Variants in UGT1A1 observed in about 807,000 individuals in gnomAD.
UGT1A1 encodes UDP-glucuronosyltransferase 1A1.
UGT1A1 carries 33 observed loss-of-function variants against 40.6 expected under a neutral mutation model. That is an observed-to-expected ratio of 0.81 (90% confidence interval 0.62 to 1.09). The LOEUF (loss-of-function observed/expected upper bound fraction) is 1.09. Among genes scored for constraint, UGT1A1 ranks in the 50% least tolerant of loss-of-function variants. The pLI, the probability that UGT1A1 is intolerant of heterozygous loss-of-function variation, is 0.00. For synonymous variants in UGT1A1, 249 were observed against 265.0 expected (o/e 0.94, Z 0.59); for missense variants, 694 against 671.2 (o/e 1.03, Z -0.38).
chr2:233,763,254 T>C (rs1698269941), intron 1 of UGT1A1, among the ~76,000 whole-genome samples: 1 of 152,240 alleles, frequency 6.6e-6, no homozygotes, highest in Non-Finnish European at 1.5e-5. Context: ...TAGTAACCTG[T>C]TTTGTCTTGT....
intron 1 of UGT1A1, among the ~76,000 whole-genome samples, chr2:233,764,782 C>A (rs1260988013): frequency 6.6e-6 from 1 of 152,064 alleles, no homozygotes; most frequent in Non-Finnish European, 1.5e-5. Flanking sequence ...TCAGAAAAAC[C>A]ATCCTCAGGG....
intron 1 of UGT1A1, among the ~76,000 whole-genome samples, chr2:233,762,832 A>C (rs1698176538): frequency 6.6e-6 from 1 of 152,202 alleles, no homozygotes; most frequent in Admixed American, 6.5e-5. Flanking sequence ...CATAATAAAA[A>C]ATAATAGGCA....
Position 233,766,962 on chromosome 2 carries a change from T to G in UGT1A1, c.865-72T>G, listed in dbSNP as rs1699292414. 20 of 1,607,676 alleles carry G rather than the reference T, an allele frequency of 1.2e-5. No homozygotes were observed. In the East Asian group the frequency reaches 4.5e-4, roughly 36 times the overall value. ...TAGTCTTAAGAGGAAGATATCTAAT[T>G]CATAACTTACTGTATGTAGTCATCA... On this transcript the variant is annotated intron_variant, in intron 1 of 4. Coordinates refer to ENST00000305208, the MANE Select transcript of UGT1A1 (RefSeq NM_000463.3).
chr2:233,769,434 T>A lies in UGT1A1; in HGVS notation c.1304+995T>A. ...GCGTTTGTGCATGTGGCTGTGCTCA[T>A]GTGTGGGTGCACACGTGTGCATTCA... is the stretch of plus-strand genomic sequence containing the variant. On this transcript the variant is annotated intron_variant, in intron 4 of 4. Coordinates refer to ENST00000305208, the MANE Select transcript of UGT1A1 (RefSeq NM_000463.3). The surrounding 1 kb of genome is among the most constrained non-coding windows in gnomAD (Gnocchi z 4.4). 1 of 1,542,192 alleles carries A rather than the reference T, an allele frequency of 6.5e-7. No individual in the cohort carries two copies.
At chr2:233,761,289 C>G in intron 1 of UGT1A1, 138 bp downstream of exon 1, 1 of 1,541,658 alleles carries the variant, frequency 6.5e-7, no homozygotes, top group Non-Finnish European at 8.8e-7. Context: ...ATTTTTGACT[C>G]CTAGGTTTGA....
chr2:233,766,694 C>G (rs996253647), intron 1 of UGT1A1, among the ~76,000 whole-genome samples: 7 of 152,162 alleles, frequency 4.6e-5, no homozygotes, highest in Non-Finnish European at 1.0e-4. Context: ...ATCACTGATG[C>G]CTTGCTCTGT....
chr2:233,764,888 C>G (rs1553621888), intron 1 of UGT1A1, among the ~76,000 whole-genome samples: 1 of 147,412 alleles, frequency 6.8e-6, no homozygotes, highest in Non-Finnish European at 1.5e-5. Context: ...AAGGCAAAGA[C>G]AAAGCCCTTA....
chr2:233,766,614 C>T (rs1699203096), intron 1 of UGT1A1, among the ~76,000 whole-genome samples: 1 of 152,184 alleles, frequency 6.6e-6, no homozygotes, highest in Non-Finnish European at 1.5e-5. Context: ...CCCTCTTCTA[C>T]CCAGCACTTC....
In UGT1A1 at chr2:233,760,668, T is replaced by C; in HGVS notation, c.381T>C (p.Cys127=). The change falls in exon 1 of 5, where the codon TGT becomes TGC. Residue 127 remains cysteine, a synonymous_variant. Coordinates refer to ENST00000305208, the MANE Select transcript of UGT1A1 (RefSeq NM_000463.3). ...KKDSAMLLSG[C]SHLLHNKELM... is the part of the protein sequence containing the mutation. ...ACTCTGCTATGCTTTTGTCTGGCTG[T>C]TCCCACTTACTGCACAACAAGGAGC... 6.2e-7 allele frequency: 1 copy of C among 1,614,252 alleles called. No individual in the cohort carries two copies. The highest frequency in any genetic ancestry group is 8.5e-7 in the Non-Finnish European group (1 of 1,180,052).
In UGT1A1 at chr2:233,761,002, CAG is replaced by C. The variant is rs797046091; in HGVS notation, c.722_723del (p.Glu241GlyfsTer16). On this transcript the variant is annotated frameshift_variant, in exon 1 of 5. Coordinates refer to ENST00000305208, the MANE Select transcript of UGT1A1 (RefSeq NM_000463.3). LOFTEE classifies it high-confidence loss of function. The stretch of plus-strand genomic sequence containing the variant: ...TGCAACCCTTGCCTCAGAATTCCTT[CAG>C]AGAGAGGTGACTGTCCAGGACCTAT... ...PYATLASEFLQREVTVQDLLS... is the reference protein window; with the variant it reads ...PYATLASEFLXREVTVQDLLS... The C allele has an allele frequency of 1.5e-5, 25 of 1,614,060 alleles. No individual in the cohort carries two copies. Among genetic ancestry groups the C allele is most frequent in the Non-Finnish European group, 2.0e-5 (24 of 1,180,054 alleles).
At position 233,768,344 on chromosome 2, in the gene UGT1A1, C is replaced by T. The variant is rs114941320; in HGVS notation, c.1209C>T (p.Arg403=). 1 of 1,614,076 alleles carries T rather than the reference C, an allele frequency of 6.2e-7. No individual in the cohort carries two copies. The highest frequency in any genetic ancestry group is 2.2e-5 in the East Asian group (1 of 44,874). The change falls in exon 4 of 5, where the codon CGC becomes CGT. Residue 403 remains arginine (R), a synonymous_variant. Coordinates refer to ENST00000305208, the MANE Select transcript of UGT1A1 (RefSeq NM_000463.3). ...GTGATCAGATGGACAATGCAAAGCG[C>T]ATGGAGACTAAGGGAGCTGGAGTGA... is the stretch of plus-strand genomic sequence containing the variant. ...LFGDQMDNAK[R]METKGAGVTL...
chr2:233,768,384 GA>G lies in UGT1A1; in HGVS notation c.1252del (p.Met418Ter). 1.9e-6 allele frequency: 3 copies of G among 1,614,136 alleles called. No homozygotes were observed. The highest frequency in any genetic ancestry group is 2.5e-6 in the Non-Finnish European group (3 of 1,180,028). ...AGCTGGAGTGACCCTGAATGTTCTG[GA>G]AATGACTTCTGAAGATTTAGAAAAT... ...KGAGVTLNVLEMTSEDLENAL... is the reference protein window; with the variant it reads ...KGAGVTLNVLXMTSEDLENAL... On this transcript the variant is annotated frameshift_variant, in exon 4 of 5. Transcript: ENST00000305208. LOFTEE classifies it high-confidence loss of function.
intron 1 of UGT1A1, among the ~76,000 whole-genome samples, chr2:233,765,988 G>A (rs909645564): frequency 6.6e-6 from 1 of 152,138 alleles, no homozygotes; most frequent in Non-Finnish European, 1.5e-5. Flanking sequence ...AGCTCCTGAA[G>A]CTCCAGTGGG....
rs28934877 is a variant in UGT1A1 at position 233,768,333 on chromosome 2, A to G, written c.1198A>G (p.Asn400Asp). The G allele has an allele frequency of 9.9e-6, 16 of 1,614,100 alleles. No homozygotes were observed. The highest frequency in any genetic ancestry group is 1.2e-5 in the Non-Finnish European group (14 of 1,180,052). Residue 400 changes from asparagine (N) to aspartate (D), a missense_variant, in exon 4 of 5, where the codon AAT becomes GAT. Coordinates refer to ENST00000305208, the MANE Select transcript of UGT1A1 (RefSeq NM_000463.3). Reference sequence around the variant, plus strand: ...GCCCTTGTTTGGTGATCAGATGGACAATGCAAAGCGCATGGAGACTAAGGG... The same window carrying G: ...GCCCTTGTTTGGTGATCAGATGGACGATGCAAAGCGCATGGAGACTAAGGG... ...MMPLFGDQMD[N>D]AKRMETKGAG...
At chr2:233,766,675 C>G (rs1309582394) in intron 1 of UGT1A1, among the ~76,000 whole-genome samples, 1 of 152,200 alleles carries the variant, frequency 6.6e-6, no homozygotes, top group Non-Finnish European at 1.5e-5. Context: ...CCCAGCTCTT[C>G]CCTTCTGTAT....
chr2:233,772,087 C>T (rs958943778), intron 4 of UGT1A1, among the ~76,000 whole-genome samples, 175 bp from the exon 5 acceptor site: 4 of 152,100 alleles, frequency 2.6e-5, no homozygotes, highest in African/African-American at 4.8e-5. Flanking sequence ...CACTCCAGCC[C>T]GGGCAACAGG....
At position 233,769,465 on chromosome 2, in the gene UGT1A1, G is replaced by C. The variant is rs34036745; in HGVS notation, c.1304+1026G>C. On this transcript the variant is annotated intron_variant, in intron 4 of 4. Coordinates refer to ENST00000305208, the MANE Select transcript of UGT1A1 (RefSeq NM_000463.3). This position sits in a 1 kb window ranked among gnomAD's most constrained non-coding sequence, Gnocchi z 4.4. The stretch of plus-strand genomic sequence containing the variant: ...GGTGCACACGTGTGCATTCATATGC[G>C]TGTGTGTGTGTGTGCGTGTGTTTAT... The C allele has an allele frequency of 4.2e-4, 555 of 1,316,536 alleles. 2 individuals are homozygous for C. The African/African-American group carries it at 7.4e-3, about 18-fold the overall frequency. 81.6% of individuals were successfully genotyped at this position (1,316,536 alleles called of 1,614,324 possible). A position where few individuals can be genotyped will look rare whatever the true frequency, so the allele number is the denominator to read the frequency against.
In UGT1A1 at chr2:233,767,540, C is replaced by T. The variant is rs570115667; in HGVS notation, c.997-309C>T. Among the ~76,000 whole-genome samples the T allele has an allele frequency of 2.0e-5, 3 of 152,348 alleles. No homozygotes were observed. In the East Asian group the frequency reaches 5.8e-4, roughly 29 times the overall value. On this transcript the variant is annotated intron_variant, in intron 2 of 4. Transcript: ENST00000305208. ...TGAATTTATGTCTTACATTTCTGCT[C>T]TTATAGTTCTGCATCCACTTGTTTC...
In UGT1A1 at chr2:233,760,657, T is replaced by G; in HGVS notation, c.370T>G (p.Leu124Val). 6.2e-7 allele frequency: 1 copy of G among 1,614,222 alleles called. No individual in the cohort carries two copies. ...AATAAAAAAGGACTCTGCTATGCTT[T>G]TGTCTGGCTGTTCCCACTTACTGCA... ...KKIKKDSAML[L>V]SGCSHLLHNK... The change falls in exon 1 of 5, where the codon TTG (leucine) becomes GTG (valine). Residue 124 changes from leucine to valine, a missense_variant. Leu to Val is a conservative substitution (Grantham distance 32). Coordinates refer to ENST00000305208, the MANE Select transcript of UGT1A1 (RefSeq NM_000463.3).
Sources: allele counts gnomAD v4.1 joint callset (sites outside exome capture counted in the v4.1 genomes callset), GRCh38; gene constraint gnomAD v4.1.1; non-coding constraint Gnocchi (gnomAD v3.1); transcripts MANE v1.5; gene names NCBI Gene and HGNC (gene_info 2026-07-23, HGNC 2026-07-21).